Variants in CAPS2 observed in about 807,000 individuals in gnomAD.
The protein encoded by CAPS2 is calcyphosine 2, also known as calcyphosin-2.
CAPS2 carries 98 observed loss-of-function variants against 86.5 expected under a neutral mutation model. That is an observed-to-expected ratio of 1.13 (90% CI 0.96 to 1.34). The LOEUF is 1.34. Ranked by LOEUF, CAPS2 falls within the 40% of genes most tolerant of loss-of-function variation. The pLI, the probability that CAPS2 is intolerant of heterozygous loss-of-function variation, is 0.00. For missense variants in CAPS2, 729 were observed against 686.8 expected, an observed-to-expected ratio of 1.06 and a Z score of -0.69; for synonymous variants, 210 against 225.1, an observed-to-expected ratio of 0.93 and a Z score of 0.60.
exon 9 of CAPS2, chr12:75,299,910 T>A (rs1329924521): frequency 7.4e-7 from 1 of 1,343,764 alleles, no homozygotes; most frequent in Non-Finnish European, 1.0e-6. Flanking sequence ...TGAGTTCTTA[T>A]CCTGTTAAGA....
intron 1 of CAPS2, among the ~76,000 whole-genome samples, chr12:75,379,416 TC>T (rs2139793115): frequency 6.6e-6 from 1 of 152,310 alleles, no homozygotes; most frequent in South Asian, 2.1e-4. Flanking sequence ...CAAGGACATG[TC>T]TTTTTTATTT....
At chr12:75,364,013 G>A (rs2139630879) in intron 1 of CAPS2, among the ~76,000 whole-genome samples, 1 of 152,290 alleles carries the variant, frequency 6.6e-6, no homozygotes, top group Non-Finnish European at 1.5e-5. Flanking sequence ...TCAATAGAAA[G>A]GAATACCTCG....
intron 14 of CAPS2, among the ~76,000 whole-genome samples, chr12:75,287,223 G>C (rs185922931): frequency 2.0e-5 from 3 of 151,666 alleles, no homozygotes; most frequent in Admixed American, 2.0e-4. Context: ...TTAGAAAATG[G>C]AATCTCTCTC....
downstream of CAPS2, chr12:75,276,619 C>T: frequency 1.1e-6 from 1 of 887,366 alleles, no homozygotes; most frequent in South Asian, 5.2e-5. Flanking sequence ...GCTTAAAATT[C>T]CTATATAATA....
intron 1 of CAPS2, among the ~76,000 whole-genome samples, chr12:75,346,369 C>T (rs1462897837): frequency 1.3e-5 from 2 of 152,170 alleles, no homozygotes; most frequent in African/African-American, 4.8e-5. Flanking sequence ...CTCACCAAAA[C>T]CACAAAGATG....
chr12:75,298,547 T>C (rs1027617664), intron 11 of CAPS2, 140 bp downstream of exon 11: 1 of 604,676 alleles, frequency 1.7e-6, no homozygotes, highest in African/African-American at 1.8e-5. Context: ...ACATCAACCA[T>C]TAGCCCACAC....
chr12:75,370,112 G>C lies in CAPS2; in HGVS notation c.-395+20726C>G, dbSNP rs745613464. ...AATCCATTTCTGAAGCCAACGGGGA[G>C]AGCACCTCAGCAGACAGCCTTTAAT... On this transcript the variant is annotated intron_variant, in intron 1 of 5. Transcript: ENST00000551829. 4.4e-6 allele frequency: 7 copies of C among 1,607,288 alleles called. No homozygotes were observed. In the African/African-American group the frequency reaches 9.4e-5, roughly 21 times the overall value.
intron 1 of CAPS2, among the ~76,000 whole-genome samples, chr12:75,363,666 G>A (rs1353456538): frequency 6.6e-6 from 1 of 151,942 alleles, no homozygotes; most frequent in South Asian, 2.1e-4. Flanking sequence ...GGGCAGTGAG[G>A]CCAGAGGAAA....
intron 16 of CAPS2, among the ~76,000 whole-genome samples, chr12:75,281,854 C>G (rs997611081): frequency 6.6e-6 from 1 of 152,080 alleles, no homozygotes; most frequent in East Asian, 1.9e-4. Flanking sequence ...CTATGTATAG[C>G]TCCATCCCTA....
intron 1 of CAPS2, among the ~76,000 whole-genome samples, chr12:75,366,245 AT>A (rs1056833158): frequency 7.1e-4 from 108 of 152,270 alleles, no homozygotes; most frequent in African/African-American, 2.5e-3. Flanking sequence ...GAAAGATCCC[AT>A]TTTTTATTTC....
chr12:75,355,775 C>A (rs968835856), intron 1 of CAPS2, among the ~76,000 whole-genome samples: 9 of 152,134 alleles, frequency 5.9e-5, no homozygotes, highest in Non-Finnish European at 1.0e-4. Context: ...GGTACATATA[C>A]AACATGGAAT....
chr12:75,382,379 C>G (rs1413277720), intron 1 of CAPS2, among the ~76,000 whole-genome samples: 1 of 152,100 alleles, frequency 6.6e-6, no homozygotes, highest in East Asian at 1.9e-4. Flanking sequence ...GTGGCTCACG[C>G]CTATAATTCC....
At chr12:75,305,920 T>G in intron 7 of CAPS2, 1 of 949,276 alleles carries the variant, frequency 1.1e-6, no homozygotes. Context: ...CACCATGAAG[T>G]CTGCGCTGGT....
intron 8 of CAPS2, among the ~76,000 whole-genome samples, chr12:75,300,555 C>CAAAAA (rs60853698): frequency 1.3e-4 from 11 of 83,024 alleles, no homozygotes; most frequent in African/African-American, 2.8e-4. Flanking sequence ...GACTCCGTCT[C>CAAAAA]AAAAAAAAAA....
chr12:75,366,771 G>A (rs992570665), intron 1 of CAPS2: 13 of 665,234 alleles, frequency 2.0e-5, no homozygotes, highest in Non-Finnish European at 3.5e-5. Context: ...ACGCTCTTAT[G>A]TGTCTCAGTT....
At chr12:75,293,516 T>C in intron 11 of CAPS2, 149 bp from the exon 12 acceptor site, 1 of 623,152 alleles carries the variant, frequency 1.6e-6, no homozygotes, top group South Asian at 2.0e-5. Context: ...TTATATGTAT[T>C]TGGAGAAACT....
intron 16 of CAPS2, among the ~76,000 whole-genome samples, chr12:75,280,309 G>C (rs1464738897): frequency 6.6e-6 from 1 of 151,684 alleles, no homozygotes; most frequent in Non-Finnish European, 1.5e-5. Context: ...ATTATAATTT[G>C]CAATAATAAA....
At chr12:75,346,966 CATT>C (rs1287540557) in intron 1 of CAPS2, among the ~76,000 whole-genome samples, 1 of 151,530 alleles carries the variant, frequency 6.6e-6, no homozygotes, top group Admixed American at 6.6e-5. Flanking sequence ...TTTATTCTAT[CATT>C]GTCACAAAAA....
At chr12:75,354,959 C>A (rs759039927) in intron 1 of CAPS2, among the ~76,000 whole-genome samples, 10 of 152,288 alleles carry the variant, frequency 6.6e-5, no homozygotes, top group Non-Finnish European at 1.2e-4. Flanking sequence ...AACTTCCTTA[C>A]ACCTTATACA....
Sources: allele counts gnomAD v4.1 joint callset (sites outside exome capture counted in the v4.1 genomes callset), GRCh38; gene constraint gnomAD v4.1.1; transcripts MANE v1.5; gene names NCBI Gene and HGNC (gene_info 2026-07-23, HGNC 2026-07-21).